Variants in EFL1 observed in about 807,000 individuals in gnomAD.
EFL1 encodes elongation factor like GTPase 1.
EFL1 carries 76 observed loss-of-function variants against 126.7 expected under a neutral mutation model. The ratio of observed to expected loss-of-function variants is 0.60; its 90% CI spans 0.50 to 0.73. The LOEUF (loss-of-function observed/expected upper bound fraction) is 0.73. Ranked by LOEUF, EFL1 falls within the 30% of genes least tolerant of loss-of-function variation. EFL1 has a pLI of 0.00. For synonymous variants in EFL1, 410 were observed against 448.4 expected (o/e 0.91, Z 1.08); for missense variants, 1,128 against 1,343.2 (o/e 0.84, Z 2.50).
At chr15:82,137,539 G>A (rs1448275936) in intron 19 of EFL1, among the ~76,000 whole-genome samples, 1 of 152,170 alleles carries the variant, frequency 6.6e-6, no homozygotes, top group Admixed American at 6.5e-5. Flanking sequence ...TTAGATATTT[G>A]ACCTAGGGGT....
Position 82,157,700 on chromosome 15 carries a change from A to C in EFL1, c.2030+13T>G, listed in dbSNP as rs1221663763. Reference sequence around the variant, plus strand: ...GAGCTATCATTTCTCCATCGCTATCATTTTCACCTAACCTTTCTTTTAAGT... The same window carrying C: ...GAGCTATCATTTCTCCATCGCTATCCTTTTCACCTAACCTTTCTTTTAAGT... On this transcript the variant is annotated intron_variant, in intron 17 of 19. Transcript: ENST00000268206. The C allele has an allele frequency of 3.1e-6, 5 of 1,606,242 alleles. No homozygotes were observed. Among genetic ancestry groups the C allele is most frequent in the Non-Finnish European group, 4.3e-6 (5 of 1,174,420 alleles).
chr15:82,184,559 T>C (rs757843266), intron 15 of EFL1, among the ~76,000 whole-genome samples: 13 of 152,224 alleles, frequency 8.5e-5, no homozygotes, highest in Non-Finnish European at 1.3e-4. Flanking sequence ...AGCACCCACC[T>C]GTACCTTCCC....
chr15:82,177,606 A>C (rs755024320), intron 15 of EFL1, among the ~76,000 whole-genome samples: 4 of 152,160 alleles, frequency 2.6e-5, no homozygotes, highest in Non-Finnish European at 5.9e-5. Flanking sequence ...TACCCATTGG[A>C]AGACGCTCAA....
At position 82,211,726 on chromosome 15, in the gene EFL1, G is replaced by T. The variant is rs370408924; in HGVS notation, c.1750+2991C>A. ...GAGACTGCTGCTACTGCTAACATAC[G>T]CTACACATTTTTAATCAAGGAACAA... On this transcript the variant is annotated intron_variant, in intron 15 of 19. Transcript: ENST00000268206. 1.6e-4 allele frequency among the ~76,000 whole-genome samples: 25 copies of T among 151,898 alleles called. No individual in the cohort carries two copies. The East Asian group carries it at 4.8e-3, about 29-fold the overall frequency.
intron 15 of EFL1, among the ~76,000 whole-genome samples, chr15:82,173,807 T>C (rs2074161807): frequency 6.6e-6 from 1 of 152,160 alleles, no homozygotes; most frequent in Non-Finnish European, 1.5e-5. Context: ...TTAAAGGTCA[T>C]TTTCATTTTA....
chr15:82,132,680 T>C (rs1433222529), intron 19 of EFL1, among the ~76,000 whole-genome samples: 1 of 4,362 alleles, frequency 2.3e-4, no homozygotes, highest in Non-Finnish European at 4.5e-4. Flanking sequence ...GGTCCAGGAA[T>C]TGGGGGGGGG....
rs758930030 is a variant in EFL1, at chr15:82,252,695, T to G, written c.240A>C (p.Ala80=). 1.1e-5 allele frequency: 18 copies of G among 1,611,854 alleles called. No homozygotes were observed. Among genetic ancestry groups the G allele is most frequent in the Non-Finnish European group, 8.5e-7 (1 of 1,177,988 alleles). Residue 80 remains alanine, a synonymous_variant, in exon 4 of 20, where the codon GCA becomes GCC. Transcript: ENST00000268206. ...MKSSAISLHY[A]TGNEEYLINL... is the part of the protein sequence containing the mutation. ...TTAAAACACAGACTGATTTACCTGTTGCATAATGTAGGGAAATGGCACTGG... is the reference window on the plus strand; with the variant it reads ...TTAAAACACAGACTGATTTACCTGTGGCATAATGTAGGGAAATGGCACTGG...
intron 15 of EFL1, among the ~76,000 whole-genome samples, chr15:82,199,737 G>T (rs1188547109): frequency 6.6e-6 from 1 of 152,118 alleles, no homozygotes; most frequent in East Asian, 1.9e-4. Context: ...ACACCTGTAG[G>T]AATCAGCCCT....
rs562307357 is a variant in EFL1 at position 82,141,300 on chromosome 15, T to C, written c.2990-2458A>G. Among the ~76,000 whole-genome samples, 3 of 152,318 alleles carry C rather than the reference T, an allele frequency of 2.0e-5. No individual in the cohort carries two copies. The South Asian group carries it at 6.2e-4, about 32-fold the overall frequency. ...AGTTATATATTATTTGTCTGAGATATATAGAAAAGAAATCTTACCATAACA... is the reference window on the plus strand; with the variant it reads ...AGTTATATATTATTTGTCTGAGATACATAGAAAAGAAATCTTACCATAACA... On this transcript the variant is annotated intron_variant, in intron 18 of 19. Transcript: ENST00000268206.
At chr15:82,220,250 G>A (rs758583117) in intron 12 of EFL1, 21 bp from the exon 13 acceptor site, 5 of 1,562,740 alleles carry the variant, frequency 3.2e-6, no homozygotes, top group Admixed American at 2.0e-5. Flanking sequence ...TCACAAATAT[G>A]CTGTCATCTC....
At position 82,215,601 on chromosome 15, in the gene EFL1, C is replaced by T. The variant is rs1186391755; in HGVS notation, c.1612-746G>A. ...TACCCACCATATAAATGCAAGTATC[C>T]AGAAGGCATTTCAATTAACCAACCA... On this transcript the variant is annotated intron_variant, in intron 14 of 19. Transcript: ENST00000268206. 3 of 152,008 alleles carry T rather than the reference C, an allele frequency of 2.0e-5. No individual in the cohort carries two copies. The East Asian group carries it at 5.8e-4, about 29-fold the overall frequency. 9.4% of individuals were successfully genotyped at this position (152,008 alleles called of 1,614,324 possible).
intron 15 of EFL1, among the ~76,000 whole-genome samples, chr15:82,211,588 CAT>C (rs2074589487): frequency 1.9e-4 from 12 of 64,594 alleles, no homozygotes; most frequent in African/African-American, 1.0e-3. Flanking sequence ...ACACTAGACA[CAT>C]ACTAGACACA....
chr15:82,182,147 G>A (rs1184769368), intron 15 of EFL1, among the ~76,000 whole-genome samples: 1 of 152,124 alleles, frequency 6.6e-6, no homozygotes, highest in Non-Finnish European at 1.5e-5. Flanking sequence ...AGTCCCAGCT[G>A]TCAGGAGGCT....
intron 17 of EFL1, among the ~76,000 whole-genome samples, chr15:82,152,647 G>A (rs925216432): frequency 2.0e-5 from 3 of 151,152 alleles, no homozygotes; most frequent in East Asian, 3.9e-4. Context: ...GGAAATCCTT[G>A]CATGTACTGG....
intron 14 of EFL1, among the ~76,000 whole-genome samples, chr15:82,216,399 G>A (rs2074647007): frequency 6.6e-6 from 1 of 152,064 alleles, no homozygotes; most frequent in Non-Finnish European, 1.5e-5. Context: ...ATATATAGGA[G>A]CAAATAGGAA....
At chr15:82,131,429 T>C (rs1477059264) in intron 19 of EFL1, among the ~76,000 whole-genome samples, 1 of 152,152 alleles carries the variant, frequency 6.6e-6, no homozygotes, top group East Asian at 1.9e-4. Context: ...GCAGCTAGGA[T>C]TACAGGTGCA....
chr15:82,245,494 C>T (rs2074963944), intron 4 of EFL1, among the ~76,000 whole-genome samples: 1 of 152,050 alleles, frequency 6.6e-6, no homozygotes, highest in African/African-American at 2.4e-5. Context: ...CAATGTATAA[C>T]ATTATAAGTT....
intron 17 of EFL1, among the ~76,000 whole-genome samples, chr15:82,153,247 T>C (rs2073932542): frequency 6.6e-6 from 1 of 152,198 alleles, no homozygotes; most frequent in African/African-American, 2.4e-5. Context: ...AAATTTGATA[T>C]TGTTGTATAT....
rs747287007 is a variant in EFL1 at position 82,157,675 on chromosome 15, G to A, written c.2030+38C>T. 2.5e-6 allele frequency: 4 copies of A among 1,587,226 alleles called. No individual in the cohort carries two copies. The African/African-American group carries it at 4.0e-5, about 16-fold the overall frequency. On this transcript the variant is annotated intron_variant, in intron 17 of 19. Coordinates refer to ENST00000268206, the MANE Select transcript of EFL1 (RefSeq NM_024580.6). Reference sequence around the variant, plus strand: ...AACACTAAAACATCCCATTGATTGAGAGCTATCATTTCTCCATCGCTATCA... The same window carrying A: ...AACACTAAAACATCCCATTGATTGAAAGCTATCATTTCTCCATCGCTATCA...
Sources: gnomAD v4.1 joint callset for allele counts (sites outside exome capture counted in the v4.1 genomes callset) on GRCh38, gnomAD v4.1.1 for gene constraint, MANE v1.5 for transcripts, NCBI Gene and HGNC (gene_info 2026-07-23, HGNC 2026-07-21) for gene names.